Variants in TRIP12 observed in about 807,000 individuals in gnomAD.
TRIP12 encodes E3 ubiquitin-protein ligase TRIP12.
TRIP12 carries 25 observed loss-of-function variants against 244.2 expected under a neutral mutation model. The observed-to-expected ratio is 0.10, with a 90% CI of 0.07 to 0.14. The LOEUF (loss-of-function observed/expected upper bound fraction) is 0.14, where lower values mean the gene tolerates loss of function less well. Ranked by LOEUF, TRIP12 falls within the 10% of genes least tolerant of loss-of-function variation. TRIP12 has a pLI of 1.00. For synonymous variants in TRIP12, 905 were observed against 873.1 expected (o/e 1.04, Z -0.64); for missense variants, 1,677 against 2,486.4 (o/e 0.67, Z 6.92).
chr2:229,766,291 C>T lies in TRIP12; in HGVS notation c.*1263G>A, dbSNP rs768121953. 2.6e-5 allele frequency: 4 copies of T among 152,004 alleles called. No individual in the cohort carries two copies. Among genetic ancestry groups the T allele is most frequent in the Non-Finnish European group, 4.4e-5 (3 of 68,012 alleles). 9.4% of individuals were successfully genotyped at this position (152,004 alleles called of 1,614,324 possible). On this transcript the variant is annotated 3_prime_UTR_variant, in exon 42 of 42. Transcript: ENST00000675903. Reference sequence around the variant, plus strand: ...TTGAATAGCAAAATCAGCCATGACCCGAATCATGGAGATATGTGGATTTCC... The same window carrying T: ...TTGAATAGCAAAATCAGCCATGACCTGAATCATGGAGATATGTGGATTTCC...
intron 1 of TRIP12, among the ~76,000 whole-genome samples, chr2:229,881,896 A>T (rs951925721): frequency 6.6e-6 from 1 of 152,210 alleles, no homozygotes; most frequent in African/African-American, 2.4e-5. Flanking sequence ...GGGGATCCAG[A>T]GTTTAGAATG....
chr2:229,803,913 T>G, intron 19 of TRIP12, 86 bp downstream of exon 19: 1 of 1,251,582 alleles, frequency 8.0e-7, no homozygotes, highest in Non-Finnish European at 1.1e-6. Context: ...TTGTGCATAT[T>G]TTTTCTATTA....
At chr2:229,910,830 G>A (rs2074122129) in intron 1 of TRIP12, among the ~76,000 whole-genome samples, 1 of 152,194 alleles carries the variant, frequency 6.6e-6, no homozygotes, top group Non-Finnish European at 1.5e-5. Flanking sequence ...GGATTTTGAG[G>A]CCAGAATGTG....
At chr2:229,815,686 G>A (rs937337545) in intron 9 of TRIP12, among the ~76,000 whole-genome samples, 20 of 150,984 alleles carry the variant, frequency 1.3e-4, no homozygotes, top group African/African-American at 4.9e-4. Flanking sequence ...AACAGGATCA[G>A]CAATGCACTG....
intron 2 of TRIP12, among the ~76,000 whole-genome samples, chr2:229,861,915 G>A (rs2060540881): frequency 6.6e-6 from 1 of 152,112 alleles, no homozygotes; most frequent in African/African-American, 2.4e-5. Context: ...AACTCTAGGT[G>A]AGCCTTTCAA....
chr2:229,862,691 A>G (rs1268788981), intron 2 of TRIP12, among the ~76,000 whole-genome samples: 3 of 152,204 alleles, frequency 2.0e-5, no homozygotes, highest in African/African-American at 7.2e-5. Flanking sequence ...ACCGGCCCAT[A>G]TGAAACTAAA....
chr2:229,812,282 T>C (rs2047450577), intron 13 of TRIP12, among the ~76,000 whole-genome samples: 1 of 152,130 alleles, frequency 6.6e-6, no homozygotes, highest in Non-Finnish European at 1.5e-5. Context: ...GGTTTCAGCA[T>C]GTTGGTCAGG....
chr2:229,813,494 A>T (rs987240554), intron 13 of TRIP12, among the ~76,000 whole-genome samples: 3 of 152,198 alleles, frequency 2.0e-5, no homozygotes, highest in African/African-American at 4.8e-5. Context: ...ATTGTCATTT[A>T]AAAAAGTGGC....
intron 21 of TRIP12, among the ~76,000 whole-genome samples, chr2:229,800,548 A>C (rs921419589): frequency 2.0e-5 from 3 of 152,210 alleles, no homozygotes; most frequent in Non-Finnish European, 4.4e-5. Context: ...ATCAGGAAAA[A>C]TGAACTTTCA....
chr2:229,830,839 G>A lies in TRIP12; in HGVS notation c.1271C>T (p.Ala424Val). The A allele has an allele frequency of 1.2e-6, 2 of 1,614,078 alleles. No individual in the cohort carries two copies. The highest frequency in any genetic ancestry group is 1.7e-6 in the Non-Finnish European group (2 of 1,179,990). The change falls in exon 7 of 42, where the codon GCC (alanine) becomes GTC (valine). Residue 424 changes from alanine (A) to valine (V), a missense_variant and splice_region_variant. Coordinates refer to ENST00000675903, the MANE Select transcript of TRIP12 (RefSeq NM_001348323.3). ...RTDEAPQGAA[A>V]SSSVAGAVGM... ...AACAGCCCCTGCAACAGAACTAGAG[G>A]CTTGGGGTGGAGGGGAAAGATGAGG...
intron 5 of TRIP12, among the ~76,000 whole-genome samples, chr2:229,838,271 T>G (rs562676953): frequency 6.6e-6 from 1 of 152,328 alleles, no homozygotes; most frequent in South Asian, 2.1e-4. Context: ...TTAGTGGGAT[T>G]CAAATTCACT....
intron 34 of TRIP12, among the ~76,000 whole-genome samples, chr2:229,779,593 T>C (rs2037428902): frequency 6.6e-6 from 1 of 152,170 alleles, no homozygotes; most frequent in Admixed American, 6.5e-5. Context: ...ATACAAATAA[T>C]GGAAGGTCTG....
At chr2:229,854,928 T>C (rs1296633206) in intron 4 of TRIP12, among the ~76,000 whole-genome samples, 2 of 152,186 alleles carry the variant, frequency 1.3e-5, no homozygotes, top group Non-Finnish European at 2.9e-5. Flanking sequence ...ACTTTACTAA[T>C]GATCCAAAGC....
chr2:229,828,861 T>C (rs1453841358), intron 8 of TRIP12, among the ~76,000 whole-genome samples: 1 of 152,202 alleles, frequency 6.6e-6, no homozygotes, highest in Non-Finnish European at 1.5e-5. Flanking sequence ...GCAAACTGTT[T>C]AATATTTTAT....
intron 2 of TRIP12, 121 bp downstream of exon 2, chr2:229,879,861 A>G (rs2064452004): frequency 8.8e-7 from 1 of 1,139,750 alleles, no homozygotes; most frequent in East Asian, 2.5e-5. Flanking sequence ...TACCTGGCTC[A>G]CAAATCAGGA....
intron 17 of TRIP12, chr2:229,807,392 AAGAT>A (rs1167401481): frequency 9.0e-6 from 3 of 334,854 alleles, no homozygotes; most frequent in Admixed American, 9.1e-5. Context: ...TTTCTGATAG[AAGAT>A]AGATAAATTT....
chr2:229,864,047 A>AGAGAGAGAGTGTGAGT, intron 2 of TRIP12, among the ~76,000 whole-genome samples: 3 of 79,292 alleles, frequency 3.8e-5, no homozygotes, highest in Non-Finnish European at 7.6e-5. Flanking sequence ...AGAGAGAGAG[A>AGAGAGAGAGTGTGAGT]GTGTGTGTGT....
intron 8 of TRIP12, among the ~76,000 whole-genome samples, chr2:229,824,903 G>A (rs2051122418): frequency 6.6e-6 from 1 of 152,082 alleles, no homozygotes; most frequent in South Asian, 2.1e-4. Context: ...TTGACTTTTA[G>A]AACTATGTAA....
At chr2:229,835,070 T>A (rs2054454284) in intron 6 of TRIP12, among the ~76,000 whole-genome samples, 1 of 152,330 alleles carries the variant, frequency 6.6e-6, no homozygotes, top group South Asian at 2.1e-4. Context: ...CTAAAGCACA[T>A]TATCATGAAG....
Sources: allele counts gnomAD v4.1 joint callset (sites outside exome capture counted in the v4.1 genomes callset), GRCh38; gene constraint gnomAD v4.1.1; transcripts MANE v1.5; gene names NCBI Gene and HGNC (gene_info 2026-07-23, HGNC 2026-07-21).